The following WWC2 variants were observed in gnomAD, a reference collection of about 807,000 sequenced individuals.
WWC2 encodes the protein protein WWC2.
Under a neutral mutation model 138.5 loss-of-function variants are expected in WWC2, and 101 were observed. The observed-to-expected ratio is 0.73, with a 90% CI of 0.62 to 0.86. The LOEUF is 0.86. WWC2 is among the 40% of genes least tolerant of loss of function. The pLI is 0.00. For missense variants in WWC2, 1,420 were observed against 1,419.4 expected (o/e 1.00, Z -0.01); for synonymous variants, 558 against 538.4 (o/e 1.04, Z -0.50).
intron 14 of WWC2, among the ~76,000 whole-genome samples, chr4:183,268,588 G>A (rs561957322): frequency 8.5e-5 from 13 of 152,300 alleles, no homozygotes; most frequent in Non-Finnish European, 1.8e-4. Flanking sequence ...AAAGTCACCA[G>A]TATCTACTTA....
chr4:183,104,535 T>C (rs906021235), intron 1 of WWC2, among the ~76,000 whole-genome samples: 3 of 152,192 alleles, frequency 2.0e-5, no homozygotes, highest in Non-Finnish European at 2.9e-5. Context: ...CTTGATAGTC[T>C]TAATCACAAC....
intron 21 of WWC2, 126 bp from the exon 22 acceptor site, chr4:183,312,215 C>A (rs1739274234): frequency 7.7e-7 from 1 of 1,306,366 alleles, no homozygotes; most frequent in Admixed American, 1.9e-5. Flanking sequence ...AAAAGGACAC[C>A]AGCCCACTGG....
At chr4:183,177,085 A>G (rs771523409) in intron 1 of WWC2, among the ~76,000 whole-genome samples, 28 of 152,192 alleles carry the variant, frequency 1.8e-4, no homozygotes, top group Non-Finnish European at 4.0e-4. Context: ...GGAGGTAGGA[A>G]GGAGGACTAG....
At chr4:183,252,868 A>G (rs1737020831) in intron 8 of WWC2, among the ~76,000 whole-genome samples, 1 of 152,024 alleles carries the variant, frequency 6.6e-6, no homozygotes, top group Admixed American at 6.6e-5. Flanking sequence ...GGGAGCCTTG[A>G]TGGATCAACC....
At chr4:183,171,630 A>G (rs573184758) in intron 1 of WWC2, among the ~76,000 whole-genome samples, 27 of 130,200 alleles carry the variant, frequency 2.1e-4, no homozygotes, top group Admixed American at 2.0e-3. Flanking sequence ...TCAAAGTTAT[A>G]TCTGTAAATG....
chr4:183,185,465 G>A (rs1031509725), intron 1 of WWC2, among the ~76,000 whole-genome samples: 4 of 152,138 alleles, frequency 2.6e-5, no homozygotes, highest in African/African-American at 9.7e-5. Flanking sequence ...AAAGAGGAAA[G>A]TATTTTTCAA....
intron 22 of WWC2, 86 bp downstream of exon 22, chr4:183,312,554 A>G (rs999897747): frequency 1.5e-5 from 23 of 1,572,386 alleles, no homozygotes; most frequent in Non-Finnish European, 1.7e-5. Flanking sequence ...GTGAAAGTTA[A>G]TATGAGGATC....
intron 1 of WWC2, 22 bp downstream of exon 1, chr4:183,099,644 G>T: frequency 1.5e-6 from 2 of 1,294,776 alleles, no homozygotes; most frequent in Non-Finnish European, 1.0e-6. Flanking sequence ...CCGCGGGGGC[G>T]CGGGCCCGTT....
chr4:183,137,153 A>G (rs1579975487), intron 1 of WWC2, among the ~76,000 whole-genome samples: 1 of 152,200 alleles, frequency 6.6e-6, no homozygotes. Flanking sequence ...TGTACCCTTT[A>G]TAAACACTGC....
chr4:183,144,855 T>A (rs1215416553), intron 1 of WWC2, among the ~76,000 whole-genome samples: 1 of 152,252 alleles, frequency 6.6e-6, no homozygotes, highest in Non-Finnish European at 1.5e-5. Flanking sequence ...CTTTTAACTA[T>A]TGGGAAAAAG....
chr4:183,193,543 G>A, intron 1 of WWC2, 56 bp from the exon 2 acceptor site: 1 of 1,495,606 alleles, frequency 6.7e-7, no homozygotes, highest in Non-Finnish European at 9.3e-7. Flanking sequence ...GCTGAATTTT[G>A]ACATATGCGG....
Position 183,208,040 on chromosome 4 carries a change from C to T in WWC2, c.329C>T (p.Ala110Val), listed in dbSNP as rs755610179. 4 of 1,613,676 alleles carry T rather than the reference C, an allele frequency of 2.5e-6. No individual in the cohort carries two copies. The highest frequency in any genetic ancestry group is 1.1e-5 in the South Asian group (1 of 91,044). ...GACTACCTCTCTGTGGCACAGGATG[C>T]CCTCCGGACACAGAAGGAACTGTAC... ...LKDYLSVAQD[A>V]LRTQKELYHV... The change falls in exon 3 of 23, where the codon GCC becomes GTC. Residue 110 changes from alanine (A) to valine (V), a missense_variant. Transcript: ENST00000403733.
chr4:183,247,165 G>A (rs1580104597), intron 6 of WWC2, among the ~76,000 whole-genome samples: 1 of 152,018 alleles, frequency 6.6e-6, no homozygotes, highest in Non-Finnish European at 1.5e-5. Context: ...TGTACCTATA[G>A]ATACACAGGT....
chr4:183,164,312 TATATATACATATATATATATATATAC>T (rs1278720472), intron 1 of WWC2, among the ~76,000 whole-genome samples: 131,136 of 136,448 alleles, frequency 0.96, 62,973 homozygotes, highest in Non-Finnish European at 0.99. Flanking sequence ...ATATATATAT[TATATATACATATATATATATATATAC>T]ATATATATAT....
intron 1 of WWC2, among the ~76,000 whole-genome samples, chr4:183,159,318 A>G (rs997897872): frequency 6.6e-6 from 1 of 152,070 alleles, no homozygotes; most frequent in African/African-American, 2.4e-5. Flanking sequence ...TTGTCTTTTT[A>G]TATTTCTGGA....
intron 4 of WWC2, among the ~76,000 whole-genome samples, chr4:183,218,809 A>G (rs545024963): frequency 6.6e-6 from 1 of 152,328 alleles, no homozygotes; most frequent in South Asian, 2.1e-4. Flanking sequence ...CAGGGCTTCA[A>G]CTGATTGGAT....
chr4:183,231,174 G>A (rs1182127392), intron 4 of WWC2, among the ~76,000 whole-genome samples: 2 of 149,364 alleles, frequency 1.3e-5, no homozygotes, highest in Non-Finnish European at 3.0e-5. Flanking sequence ...GCTTATCCTA[G>A]GAATATACAA....
At chr4:183,196,931 CAT>C (rs1463490265) in intron 2 of WWC2, among the ~76,000 whole-genome samples, 2 of 152,246 alleles carry the variant, frequency 1.3e-5, no homozygotes, top group South Asian at 2.1e-4. Flanking sequence ...TTTTAAAAAG[CAT>C]TTTCATATTG....
intron 1 of WWC2, among the ~76,000 whole-genome samples, chr4:183,169,353 T>G (rs1026778751): frequency 3.3e-5 from 5 of 152,216 alleles, no homozygotes; most frequent in African/African-American, 1.2e-4. Flanking sequence ...GCTTCATGTG[T>G]TTTTTACACA....
Sources: gnomAD v4.1 joint callset for allele counts (sites outside exome capture counted in the v4.1 genomes callset) on GRCh38, gnomAD v4.1.1 for gene constraint, MANE v1.5 for transcripts, NCBI Gene and HGNC (gene_info 2026-07-23, HGNC 2026-07-21) for gene names.